Variants in L3MBTL4 observed in about 807,000 individuals in gnomAD.
L3MBTL4 encodes L3MBTL histone methyl-lysine binding protein 4, also known as lethal(3)malignant brain tumor-like protein 4.
In L3MBTL4, 70 loss-of-function variants were observed where a neutral mutation model predicts 84.5. The ratio of observed to expected loss-of-function variants is 0.83; its 90% CI spans 0.68 to 1.01. L3MBTL4 has a LOEUF of 1.01. Ranked by LOEUF, L3MBTL4 falls within the 50% of genes least tolerant of loss-of-function variation. The probability of loss-of-function intolerance (pLI) is 0.00; values close to 1 mark genes in which losing one functional copy is unlikely to be tolerated. For synonymous variants in L3MBTL4, 274 were observed against 259.8 expected, an observed-to-expected ratio of 1.05 and a Z score of -0.52; for missense variants, 715 against 754.8, an observed-to-expected ratio of 0.95 and a Z score of 0.62.
intron 16 of L3MBTL4, among the ~76,000 whole-genome samples, chr18:6,033,287 C>A (rs2055930564): frequency 6.6e-6 from 1 of 152,126 alleles, no homozygotes; most frequent in African/African-American, 2.4e-5. Flanking sequence ...AGCATAGCTA[C>A]CTCTGCTCTC....
chr18:6,020,131 G>A (rs183502532), intron 16 of L3MBTL4, among the ~76,000 whole-genome samples: 3 of 152,204 alleles, frequency 2.0e-5, no homozygotes, highest in East Asian at 1.9e-4. Context: ...ATGCTATGAC[G>A]GGAGAAGTAT....
At chr18:6,162,494 C>T (rs2043390499) in intron 13 of L3MBTL4, among the ~76,000 whole-genome samples, 1 of 152,110 alleles carries the variant, frequency 6.6e-6, no homozygotes, top group South Asian at 2.1e-4. Context: ...TGATAAAATA[C>T]TGCGTGTGGT....
At chr18:6,011,207 T>C (rs533968950) in intron 16 of L3MBTL4, among the ~76,000 whole-genome samples, 12 of 152,308 alleles carry the variant, frequency 7.9e-5, no homozygotes, top group African/African-American at 2.4e-4. Flanking sequence ...TACCACTCTA[T>C]GTGTTTTTAA....
chr18:6,310,195 G>C (rs2050765461), intron 3 of L3MBTL4, among the ~76,000 whole-genome samples: 1 of 152,230 alleles, frequency 6.6e-6, no homozygotes, highest in African/African-American at 2.4e-5. Flanking sequence ...CGACACAGCA[G>C]AACACAAAGA....
intron 15 of L3MBTL4, among the ~76,000 whole-genome samples, chr18:6,086,100 A>G (rs1258596483): frequency 6.6e-6 from 1 of 152,150 alleles, no homozygotes; most frequent in Non-Finnish European, 1.5e-5. Flanking sequence ...TCCCATAATA[A>G]GCAAGTACTG....
chr18:6,016,040 GC>G (rs1223163954), intron 16 of L3MBTL4, among the ~76,000 whole-genome samples: 1 of 152,158 alleles, frequency 6.6e-6, no homozygotes, highest in Admixed American at 6.5e-5. Flanking sequence ...GAAGATGAAC[GC>G]TTGGCTGGAT....
At chr18:6,235,232 T>C (rs1479927007) in intron 10 of L3MBTL4, among the ~76,000 whole-genome samples, 3 of 152,122 alleles carry the variant, frequency 2.0e-5, no homozygotes, top group African/African-American at 7.2e-5. Context: ...GACGAGTTAA[T>C]GGGTGCAGCA....
At chr18:6,266,368 G>A (rs75043688) in intron 4 of L3MBTL4, among the ~76,000 whole-genome samples, 1,896 of 152,224 alleles carry the variant, frequency 0.012, 35 homozygotes, top group African/African-American at 0.042. Context: ...TTACTACTTA[G>A]CTATACACAC....
At chr18:6,132,867 C>T (rs1218600472) in intron 14 of L3MBTL4, among the ~76,000 whole-genome samples, 1 of 151,994 alleles carries the variant, frequency 6.6e-6, no homozygotes, top group Non-Finnish European at 1.5e-5. Context: ...ACACACACGC[C>T]CAGCGCAGGA....
intron 16 of L3MBTL4, among the ~76,000 whole-genome samples, chr18:6,071,872 A>C (rs1308511425): frequency 6.6e-6 from 1 of 151,904 alleles, no homozygotes; most frequent in Non-Finnish European, 1.5e-5. Flanking sequence ...GGAAGGAAGA[A>C]AGGAAGGAAG....
At chr18:6,330,666 G>A (rs1394506229) in intron 1 of L3MBTL4, among the ~76,000 whole-genome samples, 1 of 152,172 alleles carries the variant, frequency 6.6e-6, no homozygotes, top group Non-Finnish European at 1.5e-5. Flanking sequence ...AGGCTCCAAG[G>A]AGCAGGATAT....
At chr18:5,990,170 G>A (rs2053628257) in intron 16 of L3MBTL4, among the ~76,000 whole-genome samples, 1 of 152,114 alleles carries the variant, frequency 6.6e-6, no homozygotes, top group African/African-American at 2.4e-5. Context: ...ATCAAAGTAG[G>A]GTTATAAAAA....
intron 14 of L3MBTL4, among the ~76,000 whole-genome samples, chr18:6,117,517 A>G (rs577328860): frequency 1.1e-3 from 160 of 152,310 alleles, no homozygotes; most frequent in Non-Finnish European, 1.9e-3. Context: ...TCAGCATCCC[A>G]TCTTTGGTAG....
chr18:6,197,619 G>C (rs1404698857), intron 12 of L3MBTL4, among the ~76,000 whole-genome samples: 1 of 152,168 alleles, frequency 6.6e-6, no homozygotes, highest in Non-Finnish European at 1.5e-5. Context: ...ATTCCTTTGG[G>C]TATATATCCC....
At chr18:5,976,860 G>C (rs1314120764) in intron 16 of L3MBTL4, among the ~76,000 whole-genome samples, 1 of 152,190 alleles carries the variant, frequency 6.6e-6, no homozygotes, top group Non-Finnish European at 1.5e-5. Flanking sequence ...TTCTCTAAAA[G>C]TGTCGCTGCC....
At chr18:6,130,530 T>C (rs943577812) in intron 14 of L3MBTL4, among the ~76,000 whole-genome samples, 14 of 152,192 alleles carry the variant, frequency 9.2e-5, no homozygotes, top group African/African-American at 2.9e-4. Context: ...GTGCCCTGTG[T>C]CCCACACAGG....
chr18:5,985,029 A>G (rs996317926), intron 16 of L3MBTL4, among the ~76,000 whole-genome samples: 18 of 151,814 alleles, frequency 1.2e-4, no homozygotes, highest in African/African-American at 4.4e-4. Flanking sequence ...TATGGGAAGG[A>G]GGAAGAATTT....
rs75416110 is a variant in L3MBTL4, at chr18:6,389,194, T to A, written c.-91+25607A>T. On this transcript the variant is annotated intron_variant, in intron 1 of 18. Transcript: ENST00000317931. Reference sequence around the variant, plus strand: ...GCCAAGAATTCTGTATCCAGCAAAATTAACTTTCACAAATGAAGGAGAAAT... The same window carrying A: ...GCCAAGAATTCTGTATCCAGCAAAAATAACTTTCACAAATGAAGGAGAAAT... Among the ~76,000 whole-genome samples, 1,444 of 152,226 alleles carry A rather than the reference T, an allele frequency of 9.5e-3. 25 individuals carry two copies. The highest frequency in any genetic ancestry group is 0.033 in the African/African-American group (1,368 of 41,536).
chr18:6,048,857 C>T (rs2056737087), intron 16 of L3MBTL4, among the ~76,000 whole-genome samples: 1 of 151,226 alleles, frequency 6.6e-6, no homozygotes. Flanking sequence ...TGATCTTCAA[C>T]AAAGTCAACA....
Sources: allele counts gnomAD v4.1 joint callset (sites outside exome capture counted in the v4.1 genomes callset), GRCh38; gene constraint gnomAD v4.1.1; transcripts MANE v1.5; gene names NCBI Gene and HGNC (gene_info 2026-07-23, HGNC 2026-07-21).